The following MB21D2 variants were observed in gnomAD, a reference collection of about 807,000 sequenced individuals.
MB21D2 encodes the protein Mab-21 domain containing 2.
In MB21D2, 9 loss-of-function variants were observed where a neutral mutation model predicts 33.3. That is an observed-to-expected ratio of 0.27 (90% confidence interval 0.16 to 0.47). The LOEUF (loss-of-function observed/expected upper bound fraction) is 0.47, where lower values mean the gene tolerates loss of function less well. Ranked by LOEUF, MB21D2 falls within the 20% of genes least tolerant of loss-of-function variation. The probability of loss-of-function intolerance (pLI) is 0.99; values close to 1 mark genes in which losing one functional copy is unlikely to be tolerated. For synonymous variants in MB21D2, 241 were observed against 236.3 expected, an observed-to-expected ratio of 1.02 and a Z score of -0.18; for missense variants, 540 against 624.6, an observed-to-expected ratio of 0.86 and a Z score of 1.44.
chr3:192,821,547 G>C (rs1240778957), intron 1 of MB21D2, among the ~76,000 whole-genome samples: 1 of 152,208 alleles, frequency 6.6e-6, no homozygotes, highest in Non-Finnish European at 1.5e-5. Context: ...TCTCAGTCCA[G>C]AATTTTCTGC....
intron 1 of MB21D2, among the ~76,000 whole-genome samples, chr3:192,878,798 T>C (rs1291091425): frequency 6.6e-6 from 1 of 152,138 alleles, no homozygotes; most frequent in Admixed American, 6.5e-5. Context: ...ACCTGGTGTC[T>C]ACTAAAAATA....
intron 1 of MB21D2, among the ~76,000 whole-genome samples, chr3:192,898,937 G>A (rs1409345948): frequency 6.6e-6 from 1 of 152,220 alleles, no homozygotes; most frequent in Non-Finnish European, 1.5e-5. Context: ...CTGTGGGCAG[G>A]AGGATGTGCT....
chr3:192,858,963 C>T (rs1424198737), intron 1 of MB21D2, among the ~76,000 whole-genome samples: 1 of 152,196 alleles, frequency 6.6e-6, no homozygotes, highest in East Asian at 1.9e-4. Context: ...AAAACCTTGG[C>T]TCCAGGAAAG....
chr3:192,878,020 G>A (rs1713472801), intron 1 of MB21D2, among the ~76,000 whole-genome samples: 6 of 150,000 alleles, frequency 4.0e-5, no homozygotes, highest in Admixed American at 4.0e-4. Flanking sequence ...CAGCAACGGT[G>A]GGAGAAGCCA....
At chr3:192,879,818 A>G (rs947762634) in intron 1 of MB21D2, among the ~76,000 whole-genome samples, 4 of 152,208 alleles carry the variant, frequency 2.6e-5, no homozygotes, top group Admixed American at 2.6e-4. Flanking sequence ...AAATCTTTTA[A>G]GCTTTCCCTT....
intron 1 of MB21D2, among the ~76,000 whole-genome samples, chr3:192,820,313 CT>C (rs2108615960): frequency 6.6e-6 from 1 of 152,194 alleles, no homozygotes; most frequent in African/African-American, 2.4e-5. Context: ...GCTGATCTAA[CT>C]TAAGCACAAA....
At chr3:192,832,424 AACTT>A (rs1003519019) in intron 1 of MB21D2, among the ~76,000 whole-genome samples, 1 of 152,234 alleles carries the variant, frequency 6.6e-6, no homozygotes, top group Non-Finnish European at 1.5e-5. Context: ...TCAGCTGGAA[AACTT>A]ACTTAAGTGA....
chr3:192,875,511 A>T (rs1713410835), intron 1 of MB21D2, among the ~76,000 whole-genome samples: 1 of 152,304 alleles, frequency 6.6e-6, no homozygotes, highest in African/African-American at 2.4e-5. Flanking sequence ...TGGATTTTTT[A>T]ATTTTAATTT....
chr3:192,896,418 G>GTGGCTATTCACAGGTGTGA (rs11272541), intron 1 of MB21D2, among the ~76,000 whole-genome samples: 77,744 of 151,878 alleles, frequency 0.51, 20,042 homozygotes, highest in South Asian at 0.53. Context: ...CTGTTGTGCA[G>GTGGCTATTCACAGGTGTGA]TCATAGTACA....
At chr3:192,866,063 A>T (rs942302778) in intron 1 of MB21D2, among the ~76,000 whole-genome samples, 2 of 149,132 alleles carry the variant, frequency 1.3e-5, no homozygotes, top group Non-Finnish European at 3.0e-5. Flanking sequence ...ATAAATAAAT[A>T]AAAAAAAAAG....
At chr3:192,862,370 T>C (rs1713067522) in intron 1 of MB21D2, among the ~76,000 whole-genome samples, 1 of 152,200 alleles carries the variant, frequency 6.6e-6, no homozygotes, top group Admixed American at 6.5e-5. Context: ...TCCATGTTCA[T>C]TCGAATTGTA....
intron 1 of MB21D2, among the ~76,000 whole-genome samples, chr3:192,828,999 A>G (rs1187011630): frequency 6.6e-6 from 1 of 152,038 alleles, no homozygotes; most frequent in Non-Finnish European, 1.5e-5. Flanking sequence ...GCAAAGGTAT[A>G]AAGTTGTATA....
intron 1 of MB21D2, among the ~76,000 whole-genome samples, chr3:192,897,544 A>G (rs950345570): frequency 4.6e-5 from 7 of 152,326 alleles, no homozygotes; most frequent in Admixed American, 1.3e-4. Context: ...ATAGGAAATC[A>G]CGTCTAGTTC....
intron 1 of MB21D2, among the ~76,000 whole-genome samples, chr3:192,853,523 G>A (rs1412942826): frequency 6.6e-6 from 1 of 152,134 alleles, no homozygotes; most frequent in Non-Finnish European, 1.5e-5. Flanking sequence ...CCACCTGAGT[G>A]TCACTCAATG....
At chr3:192,871,691 G>A (rs1201729375) in intron 1 of MB21D2, among the ~76,000 whole-genome samples, 1 of 152,218 alleles carries the variant, frequency 6.6e-6, no homozygotes, top group Non-Finnish European at 1.5e-5. Flanking sequence ...AGAATGAAGA[G>A]GGTGGAGGCC....
At chr3:192,840,389 A>ATGACAAAG (rs1712539669) in intron 1 of MB21D2, among the ~76,000 whole-genome samples, 1 of 138,362 alleles carries the variant, frequency 7.2e-6, no homozygotes, top group Admixed American at 7.2e-5. Context: ...GCTTGGGAGT[A>ATGACAAAG]TGACAAAGAC....
intron 1 of MB21D2, among the ~76,000 whole-genome samples, chr3:192,849,656 TCC>T (rs1277721065): frequency 6.6e-6 from 1 of 152,178 alleles, no homozygotes; most frequent in Non-Finnish European, 1.5e-5. Context: ...CCACTTTATA[TCC>T]CTTTTTACTT....
chr3:192,833,987 C>T (rs1234628851), intron 1 of MB21D2, among the ~76,000 whole-genome samples: 1 of 152,150 alleles, frequency 6.6e-6, no homozygotes, highest in Admixed American at 6.5e-5. Context: ...ATATGTCTGT[C>T]TCTGCTACTG....
At chr3:192,909,712 C>T (rs1159647104) in intron 1 of MB21D2, among the ~76,000 whole-genome samples, 1 of 151,994 alleles carries the variant, frequency 6.6e-6, no homozygotes, top group Non-Finnish European at 1.5e-5. Flanking sequence ...GGGTGCATCA[C>T]TCGAGGTCAG....
Sources: allele counts gnomAD v4.1 joint callset (sites outside exome capture counted in the v4.1 genomes callset), GRCh38; gene constraint gnomAD v4.1.1; transcripts MANE v1.5; gene names NCBI Gene and HGNC (gene_info 2026-07-23, HGNC 2026-07-21).